The following USP28 variants were observed in gnomAD, a reference collection of about 807,000 sequenced individuals.
USP28 encodes ubiquitin carboxyl-terminal hydrolase 28.
In USP28, 113 loss-of-function variants were observed where a neutral mutation model predicts 145.0. That is an observed-to-expected ratio of 0.78 (90% confidence interval 0.67 to 0.91). USP28 has a LOEUF of 0.91. Among genes scored for constraint, USP28 ranks in the 40% least tolerant of loss-of-function variants. The pLI is 0.00. For synonymous variants in USP28, 447 were observed against 450.9 expected, an observed-to-expected ratio of 0.99 and a Z score of 0.11; for missense variants, 1,201 against 1,289.6, an observed-to-expected ratio of 0.93 and a Z score of 1.05.
chr11:113,867,289 A>T (rs1304486149), intron 1 of USP28, among the ~76,000 whole-genome samples: 1 of 151,848 alleles, frequency 6.6e-6, no homozygotes, highest in African/African-American at 2.4e-5. Flanking sequence ...TTTTGGAGAC[A>T]GAGTTTTACT....
intron 3 of USP28, among the ~76,000 whole-genome samples, chr11:113,845,733 C>A (rs1019738835): frequency 6.6e-6 from 1 of 152,132 alleles, no homozygotes; most frequent in Non-Finnish European, 1.5e-5. Flanking sequence ...CACCATCACA[C>A]CTGGCTAATT....
chr11:113,825,267 G>A (rs1405692450), intron 11 of USP28, among the ~76,000 whole-genome samples: 2 of 152,112 alleles, frequency 1.3e-5, no homozygotes, highest in East Asian at 3.9e-4. Flanking sequence ...TAATTCAATG[G>A]GGGAAAAGGA....
chr11:113,855,488 T>C (rs1357728592), intron 1 of USP28, among the ~76,000 whole-genome samples: 2 of 152,264 alleles, frequency 1.3e-5, no homozygotes, highest in Admixed American at 6.5e-5. Context: ...AAGTTAGTAG[T>C]ATGTCTCAGA....
At chr11:113,851,721 G>A (rs1401535358) in intron 3 of USP28, among the ~76,000 whole-genome samples, 1 of 151,234 alleles carries the variant, frequency 6.6e-6, no homozygotes, top group Admixed American at 6.6e-5. Context: ...AGAGGCAGAG[G>A]TTGCGGTGAG....
intron 1 of USP28, among the ~76,000 whole-genome samples, chr11:113,869,332 G>A (rs1358685357): frequency 6.6e-6 from 1 of 152,218 alleles, no homozygotes; most frequent in Non-Finnish European, 1.5e-5. Flanking sequence ...GGGAGGCAGA[G>A]GCAGAAGAAT....
intron 5 of USP28, chr11:113,835,336 A>G (rs1415216903): frequency 2.2e-6 from 1 of 456,058 alleles, no homozygotes; most frequent in South Asian, 1.5e-5. Flanking sequence ...TCCTAGGTAG[A>G]TAATAGGCAA....
intron 19 of USP28, among the ~76,000 whole-genome samples, chr11:113,806,129 G>C (rs1939918281): frequency 6.6e-6 from 1 of 151,998 alleles, no homozygotes; most frequent in Non-Finnish European, 1.5e-5. Flanking sequence ...GTAGAGATGG[G>C]GGTCTCACTA....
At chr11:113,808,738 A>T (rs2135329772) in intron 17 of USP28, among the ~76,000 whole-genome samples, 1 of 152,374 alleles carries the variant, frequency 6.6e-6, no homozygotes, top group Admixed American at 6.5e-5. Flanking sequence ...AGCATCTTTT[A>T]GGAAGATCAC....
chr11:113,819,880 C>T (rs989823069), intron 12 of USP28, among the ~76,000 whole-genome samples: 1 of 152,146 alleles, frequency 6.6e-6, no homozygotes, highest in African/African-American at 2.4e-5. Context: ...CCACCACGCT[C>T]GGCTAATTCT....
exon 24 of USP28, chr11:113,801,514 A>G (rs1277380200): frequency 1.6e-5 from 26 of 1,592,218 alleles, no homozygotes; most frequent in East Asian, 2.3e-5. Context: ...AAGAGCACCA[A>G]TGGTTTCTCA....
chr11:113,815,865 AAAGG>A (rs1311186767), intron 13 of USP28, among the ~76,000 whole-genome samples: 3 of 152,226 alleles, frequency 2.0e-5, no homozygotes, highest in African/African-American at 7.2e-5. Flanking sequence ...GAAGGAAGAA[AAAGG>A]AAGCATCAGC....
chr11:113,870,266 C>A (rs1948685338), intron 1 of USP28, among the ~76,000 whole-genome samples: 1 of 152,206 alleles, frequency 6.6e-6, no homozygotes, highest in African/African-American at 2.4e-5. Flanking sequence ...GTGGCTCATG[C>A]CTGTAATCCC....
At chr11:113,809,201 C>G in exon 17 of USP28, 1 of 1,614,212 alleles carries the variant, frequency 6.2e-7, no homozygotes, top group Non-Finnish European at 8.5e-7. Context: ...TGCTTGAGTT[C>G]CACAGATAGG....
chr11:113,831,940 G>C, exon 8 of USP28: 5 of 1,613,858 alleles, frequency 3.1e-6, no homozygotes, highest in Non-Finnish European at 4.2e-6. Flanking sequence ...CAGCTAGCTG[G>C]AATGCGTCCT....
At chr11:113,824,057 C>A (rs927142759) in intron 11 of USP28, among the ~76,000 whole-genome samples, 1 of 151,528 alleles carries the variant, frequency 6.6e-6, no homozygotes, top group African/African-American at 2.4e-5. Context: ...TACATCAGAA[C>A]TAATAAGTGA....
At chr11:113,835,915 T>C (rs1944515056) in intron 5 of USP28, among the ~76,000 whole-genome samples, 1 of 152,072 alleles carries the variant, frequency 6.6e-6, no homozygotes, top group African/African-American at 2.4e-5. Flanking sequence ...ACCCCATCTC[T>C]ACTAAAAATA....
chr11:113,841,816 C>A (rs756142335), intron 3 of USP28, 48 bp from the exon 4 acceptor site: 4 of 1,289,730 alleles, frequency 3.1e-6, no homozygotes, highest in Non-Finnish European at 4.4e-6. Flanking sequence ...GGAAACACTG[C>A]CCTTCTGTAA....
intron 1 of USP28, among the ~76,000 whole-genome samples, chr11:113,860,538 G>A (rs1181693400): frequency 6.6e-6 from 1 of 152,114 alleles, no homozygotes; most frequent in Non-Finnish European, 1.5e-5. Context: ...CTGGCCAGGT[G>A]CAGTGGCTCA....
In USP28 at chr11:113,851,621, C is replaced by T. The variant is rs190990770; in HGVS notation, c.268+880G>A. 4.7e-3 allele frequency among the ~76,000 whole-genome samples: 719 copies of T among 152,176 alleles called. 10 individuals carry two copies. Among genetic ancestry groups the T allele is most frequent in the African/African-American group, 0.015 (633 of 41,506 alleles). ...GACCAGCTGGCCAACATGGTAAAAC[C>T]CCGTCTCTACTAAAAATACAAACAA... On this transcript the variant is annotated intron_variant, in intron 3 of 24. Transcript: ENST00000003302.
Sources: gnomAD v4.1 joint callset for allele counts (sites outside exome capture counted in the v4.1 genomes callset) on GRCh38, gnomAD v4.1.1 for gene constraint, MANE v1.5 for transcripts, NCBI Gene and HGNC (gene_info 2026-07-23, HGNC 2026-07-21) for gene names.